Variants in GABRB1 observed in about 807,000 individuals in gnomAD.
GABRB1 encodes the protein gamma-aminobutyric acid type A receptor subunit beta1, also known as gamma-aminobutyric acid receptor subunit beta-1.
GABRB1 carries 17 observed loss-of-function variants against 51.6 expected under a neutral mutation model. The ratio of observed to expected loss-of-function variants is 0.33; its 90% CI spans 0.23 to 0.49. GABRB1 has a LOEUF of 0.49. Ranked by LOEUF, GABRB1 falls within the 20% of genes least tolerant of loss-of-function variation. The pLI, the probability that GABRB1 is intolerant of heterozygous loss-of-function variation, is 0.99. For missense variants in GABRB1, 410 were observed against 600.6 expected (o/e 0.68, Z 3.32); for synonymous variants, 247 against 218.9 (o/e 1.13, Z -1.14).
chr4:47,295,103 T>TC (rs1302954249), intron 4 of GABRB1, among the ~76,000 whole-genome samples: 1 of 151,970 alleles, frequency 6.6e-6, no homozygotes, highest in Non-Finnish European at 1.5e-5. Context: ...CAAAAACCCA[T>TC]CTGTACATCA....
chr4:47,032,383 A>C, intron 2 of GABRB1, 34 bp from the exon 3 acceptor site: 2 of 1,550,998 alleles, frequency 1.3e-6, no homozygotes, highest in Non-Finnish European at 8.8e-7. Context: ...TCACTGAGAG[A>C]ATCTGTTCCT....
At chr4:47,350,079 T>C (rs1406181096) in intron 5 of GABRB1, among the ~76,000 whole-genome samples, 2 of 151,506 alleles carry the variant, frequency 1.3e-5, no homozygotes, top group African/African-American at 4.9e-5. Context: ...CAATATGCTT[T>C]ATTGGTCTCA....
rs371607512 is a variant in GABRB1, at chr4:47,361,275, G to A, written c.544+41066G>A. 5.1e-4 allele frequency among the ~76,000 whole-genome samples: 77 copies of A among 152,156 alleles called. 1 individual carries two copies. The highest frequency in any genetic ancestry group is 9.0e-4 in the Non-Finnish European group (61 of 68,008). On this transcript the variant is annotated intron_variant, in intron 5 of 8. Coordinates refer to ENST00000295454, the MANE Select transcript of GABRB1 (RefSeq NM_000812.4). Reference sequence around the variant, plus strand: ...TTTCTTCTGGGGACTTAAGGAAAGCGTGCCAACAAAATATCTCATGGACTA... The same window carrying A: ...TTTCTTCTGGGGACTTAAGGAAAGCATGCCAACAAAATATCTCATGGACTA...
intron 3 of GABRB1, among the ~76,000 whole-genome samples, chr4:47,045,734 A>T (rs1726055483): frequency 6.6e-6 from 1 of 151,976 alleles, no homozygotes. Context: ...TTGCCCCCAC[A>T]ACCTAATAAC....
intron 4 of GABRB1, among the ~76,000 whole-genome samples, chr4:47,274,812 G>T (rs1291207682): frequency 1.3e-5 from 2 of 152,154 alleles, no homozygotes; most frequent in Non-Finnish European, 2.9e-5. Flanking sequence ...GGGCCCTGGT[G>T]TCTCAGCCCC....
intron 5 of GABRB1, among the ~76,000 whole-genome samples, chr4:47,374,981 G>T (rs1210782252): frequency 1.3e-5 from 2 of 152,130 alleles, no homozygotes; most frequent in African/African-American, 4.8e-5. Flanking sequence ...ATTGGGGAAA[G>T]AAAAATTTAA....
chr4:47,357,597 G>A (rs773356458), intron 5 of GABRB1, among the ~76,000 whole-genome samples: 1 of 152,154 alleles, frequency 6.6e-6, no homozygotes, highest in African/African-American at 2.4e-5. Flanking sequence ...AAAGAGGAAG[G>A]GAGTACAGAG....
intron 5 of GABRB1, among the ~76,000 whole-genome samples, chr4:47,340,583 G>A (rs1007957960): frequency 6.6e-6 from 1 of 152,048 alleles, no homozygotes. Context: ...ATGGCAGAAG[G>A]GATTAGCTGG....
At chr4:47,237,355 CTA>C (rs1227440919) in intron 4 of GABRB1, among the ~76,000 whole-genome samples, 3 of 151,990 alleles carry the variant, frequency 2.0e-5, no homozygotes, top group African/African-American at 4.8e-5. Flanking sequence ...GAGAAATAAA[CTA>C]TGTTTCATAT....
chr4:47,139,724 C>T (rs930946120), intron 3 of GABRB1, among the ~76,000 whole-genome samples: 15 of 151,960 alleles, frequency 9.9e-5, no homozygotes, highest in African/African-American at 3.6e-4. Context: ...ATTCTAAATT[C>T]TCTACTGTAG....
chr4:47,256,702 G>T (rs971861402), intron 4 of GABRB1, among the ~76,000 whole-genome samples: 2 of 152,132 alleles, frequency 1.3e-5, no homozygotes, highest in Non-Finnish European at 2.9e-5. Flanking sequence ...GGAGAAGAGT[G>T]AGGTGCTACA....
intron 4 of GABRB1, among the ~76,000 whole-genome samples, chr4:47,191,722 C>T (rs1360637274): frequency 6.6e-6 from 1 of 151,930 alleles, no homozygotes; most frequent in Non-Finnish European, 1.5e-5. Context: ...TAGGAAAGAA[C>T]TAGGAAGCAG....
intron 5 of GABRB1, among the ~76,000 whole-genome samples, chr4:47,324,611 A>G (rs1029791499): frequency 1.3e-5 from 2 of 152,184 alleles, no homozygotes; most frequent in African/African-American, 4.8e-5. Flanking sequence ...CGCCTCTGCT[A>G]AAACTGTTCT....
intron 3 of GABRB1, among the ~76,000 whole-genome samples, chr4:47,034,188 C>T (rs1297472779): frequency 6.6e-6 from 1 of 152,062 alleles, no homozygotes; most frequent in Non-Finnish European, 1.5e-5. Context: ...TTCTACCTTG[C>T]CGTGTAGAGT....
At chr4:47,282,592 T>C (rs1280135049) in intron 4 of GABRB1, among the ~76,000 whole-genome samples, 1 of 152,150 alleles carries the variant, frequency 6.6e-6, no homozygotes, top group Non-Finnish European at 1.5e-5. Context: ...TAGTTCAGTA[T>C]TGTCAAATGG....
At chr4:47,065,049 C>T (rs1727017554) in intron 3 of GABRB1, among the ~76,000 whole-genome samples, 1 of 152,112 alleles carries the variant, frequency 6.6e-6, no homozygotes, top group African/African-American at 2.4e-5. Context: ...TTTGGCAGTA[C>T]AAGGAGAGAT....
At chr4:47,181,995 AGTATGGT>A (rs780236989) in intron 4 of GABRB1, among the ~76,000 whole-genome samples, 4 of 152,038 alleles carry the variant, frequency 2.6e-5, no homozygotes, top group Non-Finnish European at 4.4e-5. Flanking sequence ...CTTTTCCTGC[AGTATGGT>A]GTAGTGTTGT....
chr4:47,348,135 G>T (rs992956909), intron 5 of GABRB1, among the ~76,000 whole-genome samples: 6 of 152,098 alleles, frequency 3.9e-5, no homozygotes, highest in Admixed American at 1.3e-4. Context: ...ATCAAAACAC[G>T]GTATTGTAGG....
intron 4 of GABRB1, among the ~76,000 whole-genome samples, chr4:47,298,292 C>G (rs79596173): frequency 0.97 from 147,278 of 151,942 alleles, 71,482 homozygotes; most frequent in East Asian, 1. Flanking sequence ...AAGAGGAAGT[C>G]AAATTGTCCC....
Sources: gnomAD v4.1 joint callset for allele counts (sites outside exome capture counted in the v4.1 genomes callset) on GRCh38, gnomAD v4.1.1 for gene constraint, MANE v1.5 for transcripts, NCBI Gene and HGNC (gene_info 2026-07-23, HGNC 2026-07-21) for gene names.